The following PACS2 variants were observed in gnomAD, a reference collection of about 807,000 sequenced individuals.
PACS2 encodes PACS1-like protein.
A neutral mutation model predicts 113.0 loss-of-function variants in PACS2; 36 were observed. The ratio of observed to expected loss-of-function variants is 0.32; its 90% CI spans 0.24 to 0.42. The LOEUF (loss-of-function observed/expected upper bound fraction) is 0.42. PACS2 is among the 10% of genes least tolerant of loss of function. The pLI, the probability that PACS2 is intolerant of heterozygous loss-of-function variation, is 1.00. For synonymous variants in PACS2, 589 were observed against 536.1 expected (o/e 1.10, Z -1.36); for missense variants, 1,015 against 1,239.5 (o/e 0.82, Z 2.72).
At chr14:105,364,917 C>T (rs1461125909) in intron 4 of PACS2, among the ~76,000 whole-genome samples, 1 of 152,146 alleles carries the variant, frequency 6.6e-6, no homozygotes, top group Non-Finnish European at 1.5e-5. Flanking sequence ...AGGCTGGTCT[C>T]AAACTCCTGA....
intron 1 of PACS2, among the ~76,000 whole-genome samples, chr14:105,337,015 T>C (rs587685257): frequency 2.6e-5 from 4 of 152,284 alleles, no homozygotes; most frequent in South Asian, 2.1e-4. Flanking sequence ...GTCAGCACCA[T>C]GTGGCCCTCC....
intron 1 of PACS2, among the ~76,000 whole-genome samples, chr14:105,318,105 T>C (rs916992089): frequency 6.6e-6 from 1 of 152,254 alleles, no homozygotes; most frequent in Non-Finnish European, 1.5e-5. Flanking sequence ...CCCACTTGAT[T>C]GTTTTTTCGG....
chr14:105,344,790 G>T (rs1313310555), intron 1 of PACS2, among the ~76,000 whole-genome samples: 2 of 151,970 alleles, frequency 1.3e-5, no homozygotes, highest in African/African-American at 4.8e-5. Context: ...GCTTACTTGG[G>T]GTTTAATATG....
At chr14:105,370,073 G>A (rs1373982184) in intron 8 of PACS2, 173 bp downstream of exon 8, 50 of 593,120 alleles carry the variant, frequency 8.4e-5, no homozygotes, top group Middle Eastern at 4.4e-4. Flanking sequence ...ACTGCCTCCC[G>A]GGCTCCAGGT....
chr14:105,320,431 G>A (rs1210135263), intron 1 of PACS2, among the ~76,000 whole-genome samples: 2 of 152,158 alleles, frequency 1.3e-5, no homozygotes, highest in Non-Finnish European at 2.9e-5. Context: ...GTGCAGTGGT[G>A]TGACCATGGC....
chr14:105,368,796 C>T (rs918663455), intron 7 of PACS2, among the ~76,000 whole-genome samples: 32 of 152,346 alleles, frequency 2.1e-4, no homozygotes, highest in Middle Eastern at 3.4e-3. Flanking sequence ...GAGGCTGCCT[C>T]GCTGCCAGGC....
At chr14:105,335,250 C>T (rs951450977) in intron 1 of PACS2, among the ~76,000 whole-genome samples, 2 of 152,254 alleles carry the variant, frequency 1.3e-5, no homozygotes, top group Non-Finnish European at 2.9e-5. Context: ...GGGCAGATGC[C>T]GTTGCTGGAG....
At chr14:105,391,331 G>A in intron 21 of PACS2, 82 bp downstream of exon 21, 1 of 1,082,578 alleles carries the variant, frequency 9.2e-7, no homozygotes. Context: ...CTGCAGACCA[G>A]ATCAACCTTT....
At chr14:105,379,880 T>C in intron 10 of PACS2, 51 bp downstream of exon 10, 2 of 1,548,162 alleles carry the variant, frequency 1.3e-6, no homozygotes, top group South Asian at 1.1e-5. Context: ...CTGACTGGGC[T>C]GTGGTGTGGC....
chr14:105,372,831 G>A (rs1317206616), intron 8 of PACS2: 1 of 152,198 alleles, frequency 6.6e-6, no homozygotes, highest in Non-Finnish European at 1.5e-5. Flanking sequence ...GAAACCAGGA[G>A]GCAGAGCTTG....
chr14:105,343,212 T>A (rs2059799825), intron 1 of PACS2, among the ~76,000 whole-genome samples: 1 of 152,228 alleles, frequency 6.6e-6, no homozygotes. Context: ...ATCCATCCTA[T>A]CACGTATCGA....
chr14:105,393,147 C>T lies in PACS2; in HGVS notation c.2483-75C>T, dbSNP rs973348645. ...CCAGCTGAGCCCCCAGTGCCTCCCC[C>T]ACACGTACCCCTGGCCCTGGCCCCA... On this transcript the variant is annotated intron_variant, in intron 23 of 24. Transcript: ENST00000447393. The T allele has an allele frequency of 2.9e-5, 33 of 1,145,244 alleles. No homozygotes were observed. The Middle Eastern group carries it at 5.8e-4, about 20-fold the overall frequency. The allele number at this position is 1,145,244 out of a possible 1,614,324, so 70.9% of individuals were successfully genotyped here. A position where few individuals can be genotyped will look rare whatever the true frequency, so the allele number is the denominator to read the frequency against.
rs587612263 is a variant in PACS2, at chr14:105,358,065, G to A, written c.423+2888G>A. On this transcript the variant is annotated intron_variant, in intron 4 of 24. Transcript: ENST00000447393. This position sits in a 1 kb window ranked among gnomAD's most constrained non-coding sequence, Gnocchi z 4.9. ...CATCTCCCTTCAAATGGGTGCACACGCAGGGGGCAGGAGGGGCTGGGAGCA... is the reference window on the plus strand; with the variant it reads ...CATCTCCCTTCAAATGGGTGCACACACAGGGGGCAGGAGGGGCTGGGAGCA... Among the ~76,000 whole-genome samples the A allele has an allele frequency of 3.5e-4, 54 of 152,334 alleles. No homozygotes were observed. Among genetic ancestry groups the A allele is most frequent in the African/African-American group, 1.2e-3 (51 of 41,584 alleles).
rs74466343 is a variant in PACS2 at position 105,383,474 on chromosome 14, G to A, written c.1741G>A (p.Asp581Asn). Reference sequence around the variant, plus strand: ...GGAGCAGCTGTCCCACAAGACACCCGACTGGCTCGGCTACATGCGCTTCCT... The same window carrying A: ...GGAGCAGCTGTCCCACAAGACACCCAACTGGCTCGGCTACATGCGCTTCCT... ...FVEQLSHKTP[D>N]WLGYMRFLVI... Residue 581 changes from aspartate to asparagine, a missense_variant, in exon 16 of 25, where the codon GAC (aspartate) becomes AAC (asparagine). By Grantham distance (23) the Asp-to-Asn change is conservative (BLOSUM62 1). Coordinates refer to ENST00000447393, the MANE Select transcript of PACS2 (RefSeq NM_001100913.3). The A allele has an allele frequency of 1.1e-4, 171 of 1,606,808 alleles. No individual in the cohort carries two copies. In the African/African-American group the frequency reaches 1.8e-3, roughly 17 times the overall value.
Position 105,368,444 on chromosome 14 carries a change from C to T in PACS2, c.661-15C>T, listed in dbSNP as rs2061025039. On this transcript the variant is annotated splice_polypyrimidine_tract_variant and intron_variant, in intron 6 of 24. Transcript: ENST00000447393. ...CAGGCTGCCGTGGCCTCAGCCACTGCATATGTCTCTGCAGGACTTGGACGA... is the reference window on the plus strand; with the variant it reads ...CAGGCTGCCGTGGCCTCAGCCACTGTATATGTCTCTGCAGGACTTGGACGA... 5.6e-6 allele frequency: 9 copies of T among 1,607,570 alleles called. No individual in the cohort carries two copies. The highest frequency in any genetic ancestry group is 1.7e-5 in the Admixed American group (1 of 60,004).
Position 105,376,858 on chromosome 14 carries a change from C to T in PACS2, c.892C>T (p.Pro298Ser), listed in dbSNP as rs2080800318. ...GTATGACACCCTGGACATGGAGCAC[C>T]CCAGCGACAGCGGCCCCGACATGGA... The part of the protein sequence containing the change: ...LLYDTLDMEH[P>S]SDSGPDMEDD... The change falls in exon 9 of 25, where the codon CCC (proline) becomes TCC (serine). Residue 298 changes from proline to serine, a missense_variant. Around this residue, in one of 3 missense-constraint regions of PACS2, gnomAD observed 859 missense variants for 1,056.8 expected, o/e 0.81. Coordinates refer to ENST00000447393, the MANE Select transcript of PACS2 (RefSeq NM_001100913.3). The surrounding 1 kb of genome is among the most constrained non-coding windows in gnomAD (Gnocchi z 4.7). The T allele has an allele frequency of 6.2e-7, 1 of 1,613,066 alleles. No homozygotes were observed. Among genetic ancestry groups the T allele is most frequent in the Non-Finnish European group, 8.5e-7 (1 of 1,179,870 alleles).
upstream of PACS2, among the ~76,000 whole-genome samples, chr14:105,311,501 C>T (rs186534479): frequency 1.3e-3 from 201 of 152,264 alleles, no homozygotes; most frequent in African/African-American, 4.7e-3. Flanking sequence ...GGGATCTGTG[C>T]GCTTTGGCCT....
At chr14:105,367,465 C>A in intron 5 of PACS2, 90 bp downstream of exon 5, 1 of 1,356,646 alleles carries the variant, frequency 7.4e-7, no homozygotes, top group Non-Finnish European at 1.0e-6. Flanking sequence ...ACTGTCCAGC[C>A]TGGCTTAAGG....
intron 1 of PACS2, among the ~76,000 whole-genome samples, chr14:105,335,152 T>C (rs587710558): frequency 6.6e-6 from 1 of 152,360 alleles, no homozygotes; most frequent in South Asian, 2.1e-4. Flanking sequence ...CTGACTGGAA[T>C]GCGTGGTGTG....
Sources: allele counts gnomAD v4.1 joint callset (sites outside exome capture counted in the v4.1 genomes callset), GRCh38; gene constraint gnomAD v4.1.1; regional missense constraint gnomAD v4.1.1; non-coding constraint Gnocchi (gnomAD v3.1); transcripts MANE v1.5; gene names NCBI Gene and HGNC (gene_info 2026-07-23, HGNC 2026-07-21).